GRIN2B: variants seen among roughly 807,000 people sequenced by gnomAD.
The protein encoded by GRIN2B is glutamate ionotropic receptor NMDA type subunit 2B, also known as glutamate receptor ionotropic, NMDA 2B.
In GRIN2B, 5 loss-of-function variants were observed where a neutral mutation model predicts 114.5. That is an observed-to-expected ratio of 0.04 (90% CI 0.02 to 0.09). The LOEUF is 0.09. Ranked by LOEUF, GRIN2B falls within the 10% of genes least tolerant of loss-of-function variation. GRIN2B has a pLI of 1.00. For missense variants in GRIN2B, 1,108 were observed against 1,943.5 expected (o/e 0.57, Z 8.08); for synonymous variants, 787 against 745.1 (o/e 1.06, Z -0.92).
At chr12:13,602,160 T>C (rs1411912140) in intron 10 of GRIN2B, among the ~76,000 whole-genome samples, 1 of 152,204 alleles carries the variant, frequency 6.6e-6, no homozygotes, top group African/African-American at 2.4e-5. Flanking sequence ...ATGTGCATTC[T>C]GTACCTCAGA....
intron 2 of GRIN2B, among the ~76,000 whole-genome samples, chr12:13,880,675 A>G (rs1017183538): frequency 1.3e-5 from 2 of 152,238 alleles, no homozygotes; most frequent in Admixed American, 1.3e-4. Flanking sequence ...CTTAAAAATA[A>G]CATTCAATGA....
chr12:13,906,570 AAT>A (rs1866537768), intron 2 of GRIN2B, among the ~76,000 whole-genome samples: 2 of 152,308 alleles, frequency 1.3e-5, no homozygotes, highest in South Asian at 4.1e-4. Context: ...TCTCCTTATG[AAT>A]ATGTTTGTGT....
intron 2 of GRIN2B, among the ~76,000 whole-genome samples, chr12:13,878,690 A>C (rs1410018032): frequency 1.3e-5 from 2 of 152,086 alleles, no homozygotes; most frequent in African/African-American, 4.8e-5. Context: ...GCCTCTCCTG[A>C]TGCTACTCCC....
At chr12:13,858,125 G>A (rs748446928) in intron 3 of GRIN2B, among the ~76,000 whole-genome samples, 2 of 152,082 alleles carry the variant, frequency 1.3e-5, no homozygotes, top group Non-Finnish European at 2.9e-5. Context: ...TAGTTTCCTT[G>A]TCTCTAAAAT....
At chr12:13,618,560 G>A (rs1045285187) in intron 5 of GRIN2B, among the ~76,000 whole-genome samples, 5 of 152,056 alleles carry the variant, frequency 3.3e-5, no homozygotes, top group African/African-American at 1.2e-4. Flanking sequence ...TCCCCCCAGA[G>A]TCCATTGTGG....
intron 2 of GRIN2B, among the ~76,000 whole-genome samples, chr12:13,953,472 C>T (rs1565598893): frequency 6.6e-6 from 1 of 152,192 alleles, no homozygotes; most frequent in Non-Finnish European, 1.5e-5. Flanking sequence ...ATCTGTCCCC[C>T]ATCCCTTCTC....
intron 3 of GRIN2B, among the ~76,000 whole-genome samples, chr12:13,852,588 G>A (rs538103037): frequency 7.2e-4 from 109 of 151,630 alleles, no homozygotes; most frequent in African/African-American, 2.6e-3. Context: ...TTCAAAACCA[G>A]GTGTGTACCT....
intron 2 of GRIN2B, among the ~76,000 whole-genome samples, chr12:13,960,952 C>T (rs1867678705): frequency 6.6e-6 from 1 of 152,284 alleles, no homozygotes; most frequent in East Asian, 1.9e-4. Context: ...ACACCATCAA[C>T]TGAGACCAGG....
chr12:13,617,210 T>C (rs1423702113), intron 5 of GRIN2B, among the ~76,000 whole-genome samples: 1 of 152,196 alleles, frequency 6.6e-6, no homozygotes, highest in African/African-American at 2.4e-5. Flanking sequence ...GGATCTAAAT[T>C]GGAATAAAAT....
chr12:13,962,772 GACAGA>G (rs1867718105), intron 2 of GRIN2B, among the ~76,000 whole-genome samples: 5 of 152,196 alleles, frequency 3.3e-5, no homozygotes, highest in Non-Finnish European at 7.3e-5. Flanking sequence ...CTGGAGTCCA[GACAGA>G]ACTTCCCAGG....
At chr12:13,954,137 T>G (rs1286328373) in intron 2 of GRIN2B, among the ~76,000 whole-genome samples, 10 of 152,186 alleles carry the variant, frequency 6.6e-5, no homozygotes, top group Admixed American at 6.5e-4. Context: ...AGTTGTCCTC[T>G]TTGGTGCTAA....
intron 2 of GRIN2B, among the ~76,000 whole-genome samples, chr12:13,960,662 G>A (rs1202232192): frequency 6.6e-6 from 1 of 152,160 alleles, no homozygotes; most frequent in African/African-American, 2.4e-5. Context: ...TTTTGGATCA[G>A]TAAAGGTTTT....
chr12:13,604,007 A>T (rs190346947), intron 10 of GRIN2B, among the ~76,000 whole-genome samples: 10 of 152,254 alleles, frequency 6.6e-5, no homozygotes, highest in Admixed American at 6.5e-4. Flanking sequence ...CCCAGCAAAT[A>T]TGTCCCCCTC....
At chr12:13,658,297 A>G in intron 5 of GRIN2B, among the ~76,000 whole-genome samples, 1 of 152,234 alleles carries the variant, frequency 6.6e-6, no homozygotes, top group East Asian at 1.9e-4. Flanking sequence ...TAAACAAATT[A>G]TCTCTGGGTG....
chr12:13,944,044 C>A (rs948236699), intron 2 of GRIN2B, among the ~76,000 whole-genome samples: 1 of 152,120 alleles, frequency 6.6e-6, no homozygotes, highest in South Asian at 2.1e-4. Flanking sequence ...GATTTGGGTA[C>A]TTTAAGTTTC....
intron 3 of GRIN2B, among the ~76,000 whole-genome samples, chr12:13,766,117 T>C (rs1369081799): frequency 1.3e-5 from 2 of 152,224 alleles, no homozygotes; most frequent in Non-Finnish European, 2.9e-5. Flanking sequence ...TGCATACAAC[T>C]GATTCTTTGT....
chr12:13,966,505 A>C (rs1867792044), intron 2 of GRIN2B, among the ~76,000 whole-genome samples: 1 of 152,210 alleles, frequency 6.6e-6, no homozygotes, highest in Non-Finnish European at 1.5e-5. Context: ...TTTTGTACTA[A>C]AAATTCATGT....
chr12:13,629,074 C>T (rs1009610947), intron 5 of GRIN2B, among the ~76,000 whole-genome samples: 2 of 152,162 alleles, frequency 1.3e-5, no homozygotes, highest in South Asian at 4.1e-4. Flanking sequence ...AATGTACTTA[C>T]TGTTCTCTCT....
intron 3 of GRIN2B, among the ~76,000 whole-genome samples, chr12:13,815,329 A>G (rs1239855179): frequency 1.3e-5 from 2 of 152,080 alleles, no homozygotes; most frequent in Non-Finnish European, 2.9e-5. Context: ...CTCTGAGAGT[A>G]TGTTTCAGTC....
Sources: allele counts gnomAD v4.1 joint callset (sites outside exome capture counted in the v4.1 genomes callset), GRCh38; gene constraint gnomAD v4.1.1; transcripts MANE v1.5; gene names NCBI Gene and HGNC (gene_info 2026-07-23, HGNC 2026-07-21).